Variants in POPDC1 observed in about 807,000 individuals in gnomAD.
The protein encoded by POPDC1 is popeye domain-containing protein 1.
chr6:105,134,122 A>G, the POPDC1 span, among the ~76,000 whole-genome samples: 18 of 152,278 alleles, frequency 1.2e-4, no homozygotes, highest in African/African-American at 4.3e-4. Context: ...TTATACCACC[A>G]TTAAATCACT....
the POPDC1 span, chr6:105,101,061 G>A: frequency 4.4e-5 from 70 of 1,589,106 alleles, no homozygotes; most frequent in Non-Finnish European, 3.5e-5. Context: ...GACACCTTCC[G>A]TCTTGGTAAC....
At chr6:105,136,724 C>CG in the POPDC1 span, 1 of 152,248 alleles carries the variant, frequency 6.6e-6, no homozygotes, top group Non-Finnish European at 1.5e-5. Flanking sequence ...CGCCCAGACC[C>CG]GGGGAGAAGG....
At chr6:105,105,751 G>A in the POPDC1 span, among the ~76,000 whole-genome samples, 7 of 152,040 alleles carry the variant, frequency 4.6e-5, no homozygotes, top group East Asian at 9.7e-4. Flanking sequence ...TTAATTTTAC[G>A]TACTGATAGA....
the POPDC1 span, among the ~76,000 whole-genome samples, chr6:105,114,169 T>C: frequency 6.6e-6 from 1 of 152,216 alleles, no homozygotes. Context: ...TAACTTACTA[T>C]TCTTTGTCCA....
chr6:105,114,003 T>G, the POPDC1 span, among the ~76,000 whole-genome samples: 140,010 of 151,880 alleles, frequency 0.92, 64,686 homozygotes, highest in Non-Finnish European at 0.96. Flanking sequence ...AACAGGAGAT[T>G]AAATTCTTGT....
At chr6:105,129,271 T>C in the POPDC1 span, 4 of 1,006,566 alleles carry the variant, frequency 4.0e-6, no homozygotes, top group African/African-American at 4.9e-5. Flanking sequence ...AGAGAAATTA[T>C]ATTAAAGTGA....
At chr6:105,119,606 T>C in the POPDC1 span, among the ~76,000 whole-genome samples, 10 of 152,180 alleles carry the variant, frequency 6.6e-5, no homozygotes, top group African/African-American at 2.4e-4. Flanking sequence ...GCCATGCACC[T>C]AAGTGCTAAA....
At chr6:105,117,193 T>C in the POPDC1 span, among the ~76,000 whole-genome samples, 2 of 152,208 alleles carry the variant, frequency 1.3e-5, no homozygotes, top group Non-Finnish European at 2.9e-5. Context: ...ACTGGACATA[T>C]GACTTACATG....
At chr6:105,114,944 T>C in the POPDC1 span, among the ~76,000 whole-genome samples, 4 of 152,240 alleles carry the variant, frequency 2.6e-5, no homozygotes, top group African/African-American at 9.6e-5. Context: ...CATTTATTTG[T>C]CTACCATTTA....
chr6:105,106,042 C>T, the POPDC1 span, among the ~76,000 whole-genome samples: 1 of 152,246 alleles, frequency 6.6e-6, no homozygotes, highest in South Asian at 2.1e-4. Flanking sequence ...GAGTGGTTAA[C>T]TCCATCCTGT....
the POPDC1 span, among the ~76,000 whole-genome samples, chr6:105,125,113 C>T: frequency 2.0e-5 from 3 of 152,206 alleles, no homozygotes; most frequent in African/African-American, 4.8e-5. Flanking sequence ...AAATCCACTA[C>T]AATTTTGACT....
the POPDC1 span, chr6:105,116,708 T>C: frequency 1.3e-6 from 2 of 1,587,300 alleles, no homozygotes; most frequent in Non-Finnish European, 1.7e-6. Context: ...TACTTTATCA[T>C]TTAAGGTGGG....
the POPDC1 span, among the ~76,000 whole-genome samples, chr6:105,127,490 T>C: frequency 1.3e-5 from 2 of 152,312 alleles, no homozygotes; most frequent in Non-Finnish European, 2.9e-5. Flanking sequence ...GCTCGCTCTG[T>C]TGCCTGTGCT....
At chr6:105,113,562 C>T in the POPDC1 span, among the ~76,000 whole-genome samples, 7 of 152,214 alleles carry the variant, frequency 4.6e-5, no homozygotes, top group Admixed American at 4.6e-4. Context: ...TCTTGTGAAT[C>T]TGCCACGACT....
the POPDC1 span, among the ~76,000 whole-genome samples, chr6:105,124,142 G>A: frequency 6.6e-6 from 1 of 151,986 alleles, no homozygotes; most frequent in Non-Finnish European, 1.5e-5. Context: ...CAGCACTTTG[G>A]GAGGCCGAGG....
chr6:105,133,458 T>C, the POPDC1 span: 2 of 1,613,940 alleles, frequency 1.2e-6, no homozygotes, highest in East Asian at 2.2e-5. Context: ...CCAGATGATG[T>C]ATCTCTCTCC....
chr6:105,109,310 T>G, the POPDC1 span, among the ~76,000 whole-genome samples: 103 of 152,258 alleles, frequency 6.8e-4, no homozygotes, highest in African/African-American at 2.4e-3. Flanking sequence ...AATGGAGATT[T>G]AGGTGTATTG....
chr6:105,129,592 A>T, the POPDC1 span: 1 of 1,290,104 alleles, frequency 7.8e-7, no homozygotes, highest in Non-Finnish European at 1.1e-6. Context: ...TATATACAGT[A>T]GTCCTCCCTT....
chr6:105,137,085 C>T, the POPDC1 span: 1 of 152,116 alleles, frequency 6.6e-6, no homozygotes, highest in Non-Finnish European at 1.5e-5. Context: ...CCGACGCGCG[C>T]TCCTCGGCGG....
Sources: gnomAD v4.1 joint callset for allele counts (sites outside exome capture counted in the v4.1 genomes callset) on GRCh38, gnomAD v4.1.1 for gene constraint, MANE v1.5 for transcripts, NCBI Gene and HGNC (gene_info 2026-07-23, HGNC 2026-07-21) for gene names.